CSGALNACT1: variants seen among roughly 807,000 people sequenced by gnomAD.
CSGALNACT1 encodes beta4GalNAcT-1.
Under a neutral mutation model 51.0 loss-of-function variants are expected in CSGALNACT1, and 52 were observed. The ratio of observed to expected loss-of-function variants is 1.02; its 90% confidence interval spans 0.82 to 1.29. The LOEUF is 1.29. Ranked by LOEUF, CSGALNACT1 falls within the 50% of genes most tolerant of loss-of-function variation. The probability of loss-of-function intolerance (pLI) is 0.00; values close to 1 mark genes in which losing one functional copy is unlikely to be tolerated. For synonymous variants in CSGALNACT1, 341 were observed against 254.4 expected (o/e 1.34, Z -3.24); for missense variants, 935 against 679.2 (o/e 1.38, Z -4.19).
chr8:19,563,797 C>G (rs909961642), intron 3 of CSGALNACT1, among the ~76,000 whole-genome samples: 1 of 152,112 alleles, frequency 6.6e-6, no homozygotes, highest in African/African-American at 2.4e-5. Context: ...TCACTAACTC[C>G]CAGCGACTCA....
At chr8:19,511,280 G>A (rs1200517469) in intron 3 of CSGALNACT1, among the ~76,000 whole-genome samples, 2 of 152,238 alleles carry the variant, frequency 1.3e-5, no homozygotes, top group East Asian at 1.9e-4. Context: ...AACAAGCAGT[G>A]TCTATGGGGT....
chr8:19,716,899 G>A (rs2154237271), intron 1 of CSGALNACT1, among the ~76,000 whole-genome samples: 1 of 152,188 alleles, frequency 6.6e-6, no homozygotes, highest in South Asian at 2.1e-4. Flanking sequence ...TTTTCTGCAA[G>A]TTCTCCAAAT....
intron 1 of CSGALNACT1, among the ~76,000 whole-genome samples, chr8:19,650,589 T>C (rs1043269768): frequency 6.6e-6 from 1 of 152,152 alleles, no homozygotes; most frequent in Non-Finnish European, 1.5e-5. Flanking sequence ...GTCAACGTGG[T>C]CCTGGTTCCC....
chr8:19,453,437 T>C (rs1699054253), intron 5 of CSGALNACT1, among the ~76,000 whole-genome samples: 1 of 151,980 alleles, frequency 6.6e-6, no homozygotes, highest in Non-Finnish European at 1.5e-5. Context: ...AGACTAAGGG[T>C]GTTAAAAAAA....
rs533410692 is a variant in CSGALNACT1 at position 19,750,568 on chromosome 8, G to A, written c.-297+7282C>T. On this transcript the variant is annotated intron_variant, in intron 1 of 1. Coordinates refer to the CSGALNACT1 transcript ENST00000517494. ...TTTAATTCTTGCAACAAGCCTATAA[G>A]ATGTTATTATCCCCATTTTGCACAT... 2.0e-5 allele frequency among the ~76,000 whole-genome samples: 3 copies of A among 152,138 alleles called. No homozygotes were observed. In the East Asian group the frequency reaches 5.8e-4, roughly 29 times the overall value.
intron 1 of CSGALNACT1, among the ~76,000 whole-genome samples, chr8:19,732,260 C>T (rs534978566): frequency 6.6e-6 from 1 of 152,340 alleles, no homozygotes; most frequent in African/African-American, 2.4e-5. Context: ...CTCAAAAACA[C>T]TATTTTTAAT....
chr8:19,406,622 GTA>G (rs1491465742), intron 9 of CSGALNACT1, among the ~76,000 whole-genome samples: 1 of 46,068 alleles, frequency 2.2e-5, no homozygotes, highest in South Asian at 8.8e-4. Flanking sequence ...TAGAGGTTTC[GTA>G]AAAAAAAAAA....
intron 3 of CSGALNACT1, among the ~76,000 whole-genome samples, chr8:19,578,081 C>G (rs1188380567): frequency 6.6e-6 from 1 of 152,226 alleles, no homozygotes; most frequent in Non-Finnish European, 1.5e-5. Flanking sequence ...TGTTCCAGAT[C>G]AGCTGCAACC....
intron 1 of CSGALNACT1, among the ~76,000 whole-genome samples, chr8:19,700,686 CA>C (rs1272027150): frequency 6.6e-6 from 1 of 152,160 alleles, no homozygotes; most frequent in Admixed American, 6.5e-5. Flanking sequence ...CTCTCTTGAA[CA>C]AACTTCTTAA....
At chr8:19,658,987 T>C (rs1246488424) in intron 1 of CSGALNACT1, among the ~76,000 whole-genome samples, 1 of 152,166 alleles carries the variant, frequency 6.6e-6, no homozygotes, top group Non-Finnish European at 1.5e-5. Context: ...AATAACCAGC[T>C]TCATAAATGT....
chr8:19,691,335 T>G (rs983411527), intron 1 of CSGALNACT1, among the ~76,000 whole-genome samples: 58 of 152,292 alleles, frequency 3.8e-4, no homozygotes, highest in Non-Finnish European at 1.8e-4. Flanking sequence ...TAGATCTCAC[T>G]GTTTTTGACA....
chr8:19,731,474 T>C (rs2063690753), intron 1 of CSGALNACT1, among the ~76,000 whole-genome samples: 1 of 152,100 alleles, frequency 6.6e-6, no homozygotes, highest in Non-Finnish European at 1.5e-5. Flanking sequence ...CACCACTGCA[T>C]TCTAGCCTGG....
intron 1 of CSGALNACT1, among the ~76,000 whole-genome samples, chr8:19,647,495 C>G (rs2057386131): frequency 6.6e-6 from 1 of 152,228 alleles, no homozygotes; most frequent in Non-Finnish European, 1.5e-5. Context: ...TGCTCCTCCT[C>G]TTTCAATTCC....
intron 8 of CSGALNACT1, among the ~76,000 whole-genome samples, chr8:19,413,227 A>G (rs755587773): frequency 2.6e-5 from 4 of 152,142 alleles, no homozygotes; most frequent in Non-Finnish European, 5.9e-5. Context: ...CCAGGAACCT[A>G]TCATCTAAAA....
chr8:19,581,611 A>C (rs2045588241), intron 3 of CSGALNACT1, among the ~76,000 whole-genome samples: 1 of 152,182 alleles, frequency 6.6e-6, no homozygotes, highest in Non-Finnish European at 1.5e-5. Flanking sequence ...GTCTAAAAAC[A>C]AAACAAAACA....
rs150805606 is a variant in CSGALNACT1, at chr8:19,438,095, T to A, written c.953+1735A>T. Reference sequence around the variant, plus strand: ...GCAAATGCCTGGTCATTCTTTGATGTGCTGGAAATCTGCCATACCCATAGG... The same window carrying A: ...GCAAATGCCTGGTCATTCTTTGATGAGCTGGAAATCTGCCATACCCATAGG... On this transcript the variant is annotated intron_variant, in intron 6 of 9. Coordinates refer to ENST00000454498, the Ensembl canonical transcript of CSGALNACT1. Among the ~76,000 whole-genome samples, 41 of 151,620 alleles carry A rather than the reference T, an allele frequency of 2.7e-4. No individual in the cohort carries two copies. In the East Asian group the frequency reaches 7.2e-3, roughly 27 times the overall value.
At chr8:19,552,010 A>G (rs2088242001) in intron 3 of CSGALNACT1, among the ~76,000 whole-genome samples, 1 of 152,184 alleles carries the variant, frequency 6.6e-6, no homozygotes, top group Non-Finnish European at 1.5e-5. Context: ...ACTGGATCAT[A>G]CCCTGGCAAA....
intron 4 of CSGALNACT1, among the ~76,000 whole-genome samples, chr8:19,464,460 G>A (rs1030256627): frequency 1.3e-5 from 2 of 152,122 alleles, no homozygotes; most frequent in African/African-American, 4.8e-5. Context: ...CTAGTTTCAA[G>A]TCTTGTTCTT....
intron 1 of CSGALNACT1, among the ~76,000 whole-genome samples, chr8:19,751,598 A>G (rs1374606099): frequency 6.6e-6 from 1 of 152,166 alleles, no homozygotes; most frequent in African/African-American, 2.4e-5. Context: ...ATATATTGAT[A>G]TGGTTGGGTT....
Sources: allele counts gnomAD v4.1 joint callset (sites outside exome capture counted in the v4.1 genomes callset), GRCh38; gene constraint gnomAD v4.1.1; transcripts MANE v1.5; gene names NCBI Gene and HGNC (gene_info 2026-07-23, HGNC 2026-07-21).